Variants in SLC9A9 observed in about 807,000 individuals in gnomAD.
The protein encoded by SLC9A9 is sodium/hydrogen exchanger 9.
Under a neutral mutation model 77.8 loss-of-function variants are expected in SLC9A9, and 62 were observed. The ratio of observed to expected loss-of-function variants is 0.80; its 90% confidence interval spans 0.65 to 0.98. The LOEUF is 0.98. Among genes scored for constraint, SLC9A9 ranks in the 50% least tolerant of loss-of-function variants. The pLI is 0.00. For synonymous variants in SLC9A9, 320 were observed against 283.5 expected, an observed-to-expected ratio of 1.13 and a Z score of -1.29; for missense variants, 775 against 774.9, an observed-to-expected ratio of 1.00 and a Z score of 0.00.
At chr3:143,278,621 CTA>C (rs1938123166) in intron 14 of SLC9A9, among the ~76,000 whole-genome samples, 1 of 152,220 alleles carries the variant, frequency 6.6e-6, no homozygotes, top group South Asian at 2.1e-4. Flanking sequence ...ACAGGGTGTT[CTA>C]TGTCTTGACA....
intron 6 of SLC9A9, among the ~76,000 whole-genome samples, chr3:143,598,183 C>G (rs982084022): frequency 6.6e-6 from 1 of 152,078 alleles, no homozygotes; most frequent in Admixed American, 6.5e-5. Context: ...CATAGCTTTC[C>G]CTACCGATAC....
intron 1 of SLC9A9, among the ~76,000 whole-genome samples, chr3:143,835,785 G>T (rs1381081639): frequency 6.6e-6 from 1 of 152,184 alleles, no homozygotes; most frequent in Non-Finnish European, 1.5e-5. Context: ...ATGAAACCAG[G>T]CCCCTTCTTG....
chr3:143,746,817 C>T (rs1935207900), intron 4 of SLC9A9, among the ~76,000 whole-genome samples: 1 of 152,158 alleles, frequency 6.6e-6, no homozygotes, highest in African/African-American at 2.4e-5. Context: ...CATTTGCTAT[C>T]AGCTTTCCTC....
intron 4 of SLC9A9, among the ~76,000 whole-genome samples, chr3:143,771,461 A>C (rs2007513938): frequency 6.6e-6 from 1 of 152,190 alleles, no homozygotes; most frequent in South Asian, 2.1e-4. Context: ...CAGATTAATA[A>C]TATCTTGTTA....
At chr3:143,391,323 T>C (rs904416520) in intron 12 of SLC9A9, among the ~76,000 whole-genome samples, 1 of 152,246 alleles carries the variant, frequency 6.6e-6, no homozygotes, top group Non-Finnish European at 1.5e-5. Context: ...CCTCCGCTGC[T>C]GATACCCAGG....
intron 12 of SLC9A9, among the ~76,000 whole-genome samples, chr3:143,420,137 C>G (rs2034270219): frequency 6.6e-6 from 1 of 152,204 alleles, no homozygotes; most frequent in Non-Finnish European, 1.5e-5. Flanking sequence ...AAGGCAGATT[C>G]TGGAGTCTCT....
chr3:143,678,159 A>C (rs867934879), intron 5 of SLC9A9, among the ~76,000 whole-genome samples: 27 of 152,104 alleles, frequency 1.8e-4, no homozygotes, highest in African/African-American at 6.3e-4. Context: ...TGTTTCCGTT[A>C]CTTACTTCCA....
chr3:143,722,768 C>T (rs1456279382), intron 4 of SLC9A9, among the ~76,000 whole-genome samples: 1 of 152,120 alleles, frequency 6.6e-6, no homozygotes, highest in East Asian at 1.9e-4. Context: ...GGTCTCTGTG[C>T]TACATTTTCC....
intron 4 of SLC9A9, among the ~76,000 whole-genome samples, chr3:143,697,011 TA>T (rs1933659950): frequency 6.6e-6 from 1 of 151,932 alleles, no homozygotes; most frequent in African/African-American, 2.4e-5. Flanking sequence ...GATGTGAATT[TA>T]GATCAAGATT....
In SLC9A9 at chr3:143,391,040, C is replaced by T. The variant is rs773177787; in HGVS notation, c.1470-8926G>A. Among the ~76,000 whole-genome samples the T allele has an allele frequency of 3.2e-4, 49 of 152,356 alleles. 1 individual carries two copies. The highest frequency in any genetic ancestry group is 6.3e-4 in the Non-Finnish European group (43 of 68,034). On this transcript the variant is annotated intron_variant, in intron 12 of 15. Coordinates refer to ENST00000316549, the MANE Select transcript of SLC9A9 (RefSeq NM_173653.4). ...CCTCCGGGGGCAGGGCATAGCCAAACAAAAGGCAGCAGAATCCTCTGCAGA... is the reference window on the plus strand; with the variant it reads ...CCTCCGGGGGCAGGGCATAGCCAAATAAAAGGCAGCAGAATCCTCTGCAGA...
chr3:143,386,906 T>C (rs1451625869), intron 12 of SLC9A9, among the ~76,000 whole-genome samples: 1 of 152,200 alleles, frequency 6.6e-6, no homozygotes, highest in Non-Finnish European at 1.5e-5. Flanking sequence ...AGCGGTATGT[T>C]CTTGGTTCAC....
intron 12 of SLC9A9, among the ~76,000 whole-genome samples, chr3:143,453,732 C>T (rs2108558478): frequency 6.6e-6 from 1 of 152,240 alleles, no homozygotes; most frequent in Non-Finnish European, 1.5e-5. Flanking sequence ...CATTTAATCT[C>T]CAGAGATAGA....
chr3:143,400,696 A>G (rs1390096560), intron 12 of SLC9A9, among the ~76,000 whole-genome samples: 1 of 146,994 alleles, frequency 6.8e-6, no homozygotes, highest in Non-Finnish European at 1.5e-5. Context: ...TAAACAATTA[A>G]AAAAACTTTT....
intron 14 of SLC9A9, among the ~76,000 whole-genome samples, chr3:143,324,172 C>A (rs1304436006): frequency 6.6e-6 from 1 of 152,050 alleles, no homozygotes; most frequent in Non-Finnish European, 1.5e-5. Flanking sequence ...GAGGGAGGGG[C>A]AGAACAGCAC....
At chr3:143,594,568 T>C (rs1394247708) in intron 6 of SLC9A9, among the ~76,000 whole-genome samples, 1 of 152,082 alleles carries the variant, frequency 6.6e-6, no homozygotes, top group East Asian at 1.9e-4. Context: ...TCTTCTGCAT[T>C]TTGATGCTCC....
intron 12 of SLC9A9, among the ~76,000 whole-genome samples, chr3:143,385,097 G>T (rs2033393771): frequency 6.6e-6 from 1 of 152,014 alleles, no homozygotes. Context: ...TTTCCAAGAG[G>T]TGTATGAACC....
At chr3:143,295,011 T>A (rs975732475) in intron 14 of SLC9A9, among the ~76,000 whole-genome samples, 1 of 152,256 alleles carries the variant, frequency 6.6e-6, no homozygotes, top group Admixed American at 6.5e-5. Context: ...TTGGCATTAG[T>A]GATTTAGAAA....
chr3:143,317,602 A>G (rs1403077555), intron 14 of SLC9A9, among the ~76,000 whole-genome samples: 6 of 152,190 alleles, frequency 3.9e-5, no homozygotes, highest in Non-Finnish European at 8.8e-5. Context: ...GGATAAGCAG[A>G]CACCTGTTTT....
chr3:143,419,356 C>T (rs1403584434), intron 12 of SLC9A9, among the ~76,000 whole-genome samples: 2 of 152,184 alleles, frequency 1.3e-5, no homozygotes, highest in Non-Finnish European at 2.9e-5. Flanking sequence ...AGTATCAGAG[C>T]TAGAATTCAA....
Sources: gnomAD v4.1 joint callset for allele counts (sites outside exome capture counted in the v4.1 genomes callset) on GRCh38, gnomAD v4.1.1 for gene constraint, MANE v1.5 for transcripts, NCBI Gene and HGNC (gene_info 2026-07-23, HGNC 2026-07-21) for gene names.